The following LCORL variants were observed in gnomAD, a reference collection of about 807,000 sequenced individuals.
LCORL encodes ligand-dependent nuclear receptor corepressor-like protein.
In LCORL, 41 loss-of-function variants were observed where a neutral mutation model predicts 141.8. The observed-to-expected ratio is 0.29, with a 90% CI of 0.23 to 0.38. LCORL has a LOEUF of 0.38. Ranked by LOEUF, LCORL falls within the 10% of genes least tolerant of loss-of-function variation. The probability of loss-of-function intolerance (pLI) is 1.00; values close to 1 mark genes in which losing one functional copy is unlikely to be tolerated. For missense variants in LCORL, 1,759 were observed against 2,035.0 expected (o/e 0.86, Z 2.61); for synonymous variants, 618 against 694.1 (o/e 0.89, Z 1.72).
At chr4:17,993,225 G>A (rs1237500668) in intron 1 of LCORL, among the ~76,000 whole-genome samples, 2 of 152,068 alleles carry the variant, frequency 1.3e-5, no homozygotes, top group Non-Finnish European at 2.9e-5. Flanking sequence ...ATTTATTTTA[G>A]ACAGACTCTC....
At chr4:17,948,679 C>T (rs1321613871) in intron 4 of LCORL, among the ~76,000 whole-genome samples, 1 of 151,712 alleles carries the variant, frequency 6.6e-6, no homozygotes, top group Non-Finnish European at 1.5e-5. Flanking sequence ...TAAAAGGAGG[C>T]TGAGAATTGA....
intron 4 of LCORL, among the ~76,000 whole-genome samples, chr4:17,958,381 C>G (rs1376757822): frequency 6.6e-6 from 1 of 151,824 alleles, no homozygotes; most frequent in Non-Finnish European, 1.5e-5. Context: ...TACATATTAT[C>G]TGTTCAATTT....
At chr4:17,915,896 C>T (rs995762245) in intron 4 of LCORL, among the ~76,000 whole-genome samples, 2 of 152,196 alleles carry the variant, frequency 1.3e-5, no homozygotes, top group Non-Finnish European at 2.9e-5. Flanking sequence ...AAATGTGATT[C>T]TGAATGTTGA....
At chr4:17,968,113 C>T (rs1715268369) in intron 2 of LCORL, among the ~76,000 whole-genome samples, 1 of 151,996 alleles carries the variant, frequency 6.6e-6, no homozygotes, top group Admixed American at 6.6e-5. Context: ...CTGCCTCGGC[C>T]TCCCAAAATG....
chr4:17,919,869 C>T (rs1459651193), intron 4 of LCORL, among the ~76,000 whole-genome samples: 1 of 152,208 alleles, frequency 6.6e-6, no homozygotes, highest in Non-Finnish European at 1.5e-5. Flanking sequence ...TTGCCCTATA[C>T]TCTGGAAGAC....
intron 1 of LCORL, among the ~76,000 whole-genome samples, chr4:18,005,934 G>A (rs1047997466): frequency 1.3e-5 from 2 of 152,128 alleles, no homozygotes; most frequent in African/African-American, 4.8e-5. Context: ...ATTAACATTC[G>A]GCTCCTCATT....
intron 5 of LCORL, among the ~76,000 whole-genome samples, chr4:17,889,214 C>T (rs1426237097): frequency 2.0e-5 from 3 of 152,084 alleles, no homozygotes; most frequent in African/African-American, 7.2e-5. Context: ...TCTACTCCAT[C>T]TTTCAGAAAC....
chr4:17,877,009 A>G (rs371891906), exon 7 of LCORL: 2 of 1,230,552 alleles, frequency 1.6e-6, no homozygotes, highest in Non-Finnish European at 2.0e-6. Flanking sequence ...TCTGATGAAG[A>G]TATCTCATTG....
At position 17,848,007 on chromosome 4, in the gene LCORL, G is replaced by C. The variant is rs1723135773; in HGVS notation, c.5603-2106C>G. On this transcript the variant is annotated intron_variant, in intron 7 of 7. Coordinates refer to ENST00000635767, the Ensembl canonical transcript of LCORL. ...TTTGTTTTGTTTGCTATTTGACTAA[G>C]GTGTTTTCACCAGAGAAGAATACTT... is the stretch of plus-strand genomic sequence containing the variant. Among the ~76,000 whole-genome samples the C allele has an allele frequency of 5.3e-5, 8 of 152,222 alleles. No individual in the cohort carries two copies. In the South Asian group the frequency reaches 1.7e-3, roughly 32 times the overall value.
chr4:17,888,160 C>T (rs1414553645), intron 5 of LCORL, among the ~76,000 whole-genome samples: 1 of 151,966 alleles, frequency 6.6e-6, no homozygotes, highest in African/African-American at 2.4e-5. Context: ...TAGAATAGTG[C>T]CTGGCATACA....
At chr4:18,005,870 C>A (rs778937226) in intron 1 of LCORL, among the ~76,000 whole-genome samples, 2 of 152,212 alleles carry the variant, frequency 1.3e-5, no homozygotes, top group Non-Finnish European at 2.9e-5. Flanking sequence ...ATGGCAGGGG[C>A]TTCCGTGAAG....
At chr4:17,968,006 C>T (rs982778054) in intron 2 of LCORL, among the ~76,000 whole-genome samples, 2 of 151,796 alleles carry the variant, frequency 1.3e-5, no homozygotes, top group Non-Finnish European at 2.9e-5. Flanking sequence ...TACAGATGCC[C>T]GCCATTACAC....
chr4:17,911,754 G>A, intron 4 of LCORL: 1 of 464,798 alleles, frequency 2.2e-6, no homozygotes, highest in East Asian at 5.3e-5. Context: ...ATGGTGCCTG[G>A]CTGGTCAGCA....
At chr4:17,984,699 T>C (rs777773077) in intron 1 of LCORL, among the ~76,000 whole-genome samples, 2 of 152,146 alleles carry the variant, frequency 1.3e-5, no homozygotes, top group South Asian at 4.1e-4. Context: ...TATTAATTTT[T>C]TCAAAAAGCA....
At chr4:17,916,989 C>A (rs927700730) in intron 4 of LCORL, among the ~76,000 whole-genome samples, 27 of 150,816 alleles carry the variant, frequency 1.8e-4, no homozygotes, top group African/African-American at 6.6e-4. Context: ...TTTTTCTTTT[C>A]TTTTCTCGAG....
chr4:17,998,881 C>G (rs1721339910), intron 1 of LCORL, among the ~76,000 whole-genome samples: 1 of 146,666 alleles, frequency 6.8e-6, no homozygotes, highest in Admixed American at 6.9e-5. Flanking sequence ...GGGAGATCAC[C>G]TGAGACTGAC....
At chr4:17,937,388 A>C (rs1205951533) in intron 4 of LCORL, among the ~76,000 whole-genome samples, 2 of 152,224 alleles carry the variant, frequency 1.3e-5, no homozygotes, top group Non-Finnish European at 2.9e-5. Flanking sequence ...GTATTATATC[A>C]TCAAAACCTG....
chr4:17,940,903 C>T (rs1737843579), intron 4 of LCORL, among the ~76,000 whole-genome samples: 1 of 152,010 alleles, frequency 6.6e-6, no homozygotes, highest in Non-Finnish European at 1.5e-5. Flanking sequence ...ATTACAGCAG[C>T]AAAGTAGTAT....
At chr4:17,972,934 T>C (rs1716254573) in intron 1 of LCORL, 49 bp from the exon 2 acceptor site, 4 of 850,420 alleles carry the variant, frequency 4.7e-6, no homozygotes, top group Non-Finnish European at 6.8e-6. Flanking sequence ...AAAAGTTACA[T>C]TTTACAATTT....
Sources: allele counts gnomAD v4.1 joint callset (sites outside exome capture counted in the v4.1 genomes callset), GRCh38; gene constraint gnomAD v4.1.1; transcripts MANE v1.5; gene names NCBI Gene and HGNC (gene_info 2026-07-23, HGNC 2026-07-21).